VSNL1: variants seen among roughly 807,000 people sequenced by gnomAD.
VSNL1 encodes visinin-like protein 1.
In VSNL1, 6 loss-of-function variants were observed where a neutral mutation model predicts 20.4. The ratio of observed to expected loss-of-function variants is 0.29; its 90% confidence interval spans 0.16 to 0.58. The LOEUF (loss-of-function observed/expected upper bound fraction) is 0.58. Among genes scored for constraint, VSNL1 ranks in the 20% least tolerant of loss-of-function variants. The pLI is 0.90. For synonymous variants in VSNL1, 93 were observed against 86.4 expected (o/e 1.08, Z -0.42); for missense variants, 100 against 234.5 (o/e 0.43, Z 3.75).
At chr2:17,554,687 A>C (rs62131461) in intron 1 of VSNL1, among the ~76,000 whole-genome samples, 4,461 of 152,176 alleles carry the variant, frequency 0.029, 63 homozygotes, top group Middle Eastern at 0.054. Context: ...CTTAAGTGAG[A>C]CTCAGTGAGG....
intron 2 of VSNL1, among the ~76,000 whole-genome samples, chr2:17,600,328 G>C (rs1664797349): frequency 6.6e-6 from 1 of 152,188 alleles, no homozygotes; most frequent in South Asian, 2.1e-4. Context: ...GGTGGTGAGA[G>C]CAAAAGTGCT....
intron 2 of VSNL1, among the ~76,000 whole-genome samples, chr2:17,596,768 C>G (rs962196781): frequency 1.8e-4 from 27 of 151,460 alleles, no homozygotes; most frequent in African/African-American, 6.6e-4. Flanking sequence ...TGGAATCTGA[C>G]AGATGTGAGA....
At chr2:17,540,035 C>G (rs896961414), upstream of VSNL1, 2 of 150,866 alleles carry the variant, frequency 1.3e-5, no homozygotes, top group Non-Finnish European at 2.9e-5. Context: ...CTCCCTTTAA[C>G]ACACATTTTT....
intron 1 of VSNL1, among the ~76,000 whole-genome samples, chr2:17,583,503 A>G (rs1664398717): frequency 6.6e-6 from 1 of 152,230 alleles, no homozygotes. Flanking sequence ...ATAGAAACCA[A>G]TTCTCAGAAA....
chr2:17,574,233 C>A (rs1664151556), intron 1 of VSNL1, among the ~76,000 whole-genome samples: 1 of 151,464 alleles, frequency 6.6e-6, no homozygotes, highest in African/African-American at 2.4e-5. Context: ...ATATTTCTAT[C>A]AAAAAGTCAG....
At chr2:17,559,577 TTCA>T (rs1251106212) in intron 1 of VSNL1, among the ~76,000 whole-genome samples, 1 of 152,212 alleles carries the variant, frequency 6.6e-6, no homozygotes, top group Non-Finnish European at 1.5e-5. Flanking sequence ...GGGCTTTAGT[TTCA>T]TCATATGTAA....
chr2:17,544,581 A>G (rs1388883697), intron 1 of VSNL1, among the ~76,000 whole-genome samples: 1 of 152,350 alleles, frequency 6.6e-6, no homozygotes, highest in East Asian at 1.9e-4. Context: ...AATTCCAAAC[A>G]TTGTGGAGAG....
chr2:17,652,139 C>T (rs1666136052), intron 3 of VSNL1, among the ~76,000 whole-genome samples: 1 of 152,036 alleles, frequency 6.6e-6, no homozygotes, highest in Non-Finnish European at 1.5e-5. Context: ...GATACTTATT[C>T]AGGTATTTAA....
intron 1 of VSNL1, chr2:17,567,749 T>C (rs750644301): frequency 9.2e-5 from 14 of 152,158 alleles, no homozygotes; most frequent in Non-Finnish European, 1.9e-4. Context: ...TCTTAATTTA[T>C]TGAGAGTTTT....
chr2:17,618,403 C>T (rs1440386283), intron 2 of VSNL1, among the ~76,000 whole-genome samples: 6 of 152,204 alleles, frequency 3.9e-5, no homozygotes, highest in African/African-American at 1.2e-4. Flanking sequence ...AAATCTCTGC[C>T]TGCTTTGCTT....
chr2:17,560,670 C>T (rs550685607), intron 1 of VSNL1, among the ~76,000 whole-genome samples: 44 of 151,972 alleles, frequency 2.9e-4, no homozygotes, highest in Middle Eastern at 3.4e-3. Context: ...AAAATCTAAG[C>T]GACATTTGGA....
chr2:17,543,303 G>A (rs1021135911), intron 1 of VSNL1, among the ~76,000 whole-genome samples: 2 of 152,198 alleles, frequency 1.3e-5, no homozygotes, highest in Non-Finnish European at 2.9e-5. Flanking sequence ...GTTCCTGTTT[G>A]AGAACTGCCC....
intron 2 of VSNL1, among the ~76,000 whole-genome samples, chr2:17,631,775 T>G (rs1665635425): frequency 6.6e-6 from 1 of 152,208 alleles, no homozygotes; most frequent in African/African-American, 2.4e-5. Flanking sequence ...TAGCACCAAA[T>G]GAATAAATCT....
intron 1 of VSNL1, among the ~76,000 whole-genome samples, chr2:17,590,268 T>C (rs1472629566): frequency 6.6e-6 from 1 of 152,178 alleles, no homozygotes. Context: ...AAAACCAAAG[T>C]AAAGTACTGA....
At chr2:17,557,215 T>C (rs1279220811) in intron 1 of VSNL1, among the ~76,000 whole-genome samples, 3 of 152,312 alleles carry the variant, frequency 2.0e-5, no homozygotes, top group South Asian at 2.1e-4. Context: ...ATCAGAAAAT[T>C]TGTGGTCTCT....
chr2:17,612,081 C>G (rs1335966509), intron 2 of VSNL1, among the ~76,000 whole-genome samples: 1 of 151,998 alleles, frequency 6.6e-6, no homozygotes, highest in Non-Finnish European at 1.5e-5. Flanking sequence ...TGTGCTCTCA[C>G]TCACACACAT....
chr2:17,637,901 G>C (rs1032246271), intron 2 of VSNL1, among the ~76,000 whole-genome samples: 1 of 152,122 alleles, frequency 6.6e-6, no homozygotes, highest in Non-Finnish European at 1.5e-5. Context: ...GCACTTTCCC[G>C]GACGTGGTCT....
chr2:17,575,555 A>G (rs1664189015), intron 1 of VSNL1, among the ~76,000 whole-genome samples: 1 of 150,444 alleles, frequency 6.6e-6, no homozygotes, highest in East Asian at 1.9e-4. Flanking sequence ...TTTTTTTTTG[A>G]GATGGAGTCT....
chr2:17,595,188 G>C (rs1261484402), intron 2 of VSNL1, among the ~76,000 whole-genome samples: 2 of 152,194 alleles, frequency 1.3e-5, no homozygotes, highest in Non-Finnish European at 2.9e-5. Flanking sequence ...TCAATGTTAA[G>C]ACCCAGCGGC....
Sources: allele counts gnomAD v4.1 joint callset (sites outside exome capture counted in the v4.1 genomes callset), GRCh38; gene constraint gnomAD v4.1.1; transcripts MANE v1.5; gene names NCBI Gene and HGNC (gene_info 2026-07-23, HGNC 2026-07-21).